The following ADAM15 variants were observed in gnomAD, a reference collection of about 807,000 sequenced individuals.
ADAM15 encodes the protein disintegrin and metalloproteinase domain-containing protein 15.
Under a neutral mutation model 113.8 loss-of-function variants are expected in ADAM15, and 77 were observed. That is an observed-to-expected ratio of 0.68 (90% CI 0.56 to 0.82). ADAM15 has a LOEUF of 0.82. ADAM15 is among the 40% of genes least tolerant of loss of function. ADAM15 has a pLI of 0.00. For missense variants in ADAM15, 963 were observed against 1,120.1 expected, an observed-to-expected ratio of 0.86 and a Z score of 2.00; for synonymous variants, 388 against 454.1, an observed-to-expected ratio of 0.85 and a Z score of 1.85.
chr1:155,053,780 G>T (rs958943783), intron 3 of ADAM15, 130 bp from the exon 4 acceptor site: 2 of 1,050,494 alleles, frequency 1.9e-6, no homozygotes, highest in South Asian at 1.5e-5. Context: ...CTGCCCCGGG[G>T]TCAGGAGTGG....
intron 1 of ADAM15, 143 bp downstream of exon 1, chr1:155,051,608 G>A (rs1377154510): frequency 2.7e-6 from 2 of 737,186 alleles, no homozygotes; most frequent in African/African-American, 3.8e-5. Context: ...GCTGTCCTGG[G>A]CCTAGGGCCC....
rs983500077 is a variant in ADAM15 at position 155,059,986 on chromosome 1, G to A, written c.2068+12G>A. On this transcript the variant is annotated intron_variant, in intron 17 of 22. Coordinates refer to ENST00000356955, the MANE Select transcript of ADAM15 (RefSeq NM_207197.3). ...CACTCAGCTCAAAGGTAGCATGGGG[G>A]TGGGGGACAGGGGCAGCTGGGAGGG... 8 of 1,613,934 alleles carry A rather than the reference G, an allele frequency of 5.0e-6. No homozygotes were observed. Among genetic ancestry groups the A allele is most frequent in the South Asian group, 1.1e-5 (1 of 91,066 alleles).
At chr1:155,053,116 C>T (rs1037931955) in intron 2 of ADAM15, among the ~76,000 whole-genome samples, 3 of 134,320 alleles carry the variant, frequency 2.2e-5, no homozygotes, top group South Asian at 3.1e-4. Flanking sequence ...AACCCCCCCC[C>T]CCCCACCCCA....
chr1:155,061,404 T>A lies in ADAM15; in HGVS notation c.2278-11T>A. The A allele has an allele frequency of 6.2e-7, 1 of 1,612,492 alleles. No individual in the cohort carries two copies. The highest frequency in any genetic ancestry group is 8.5e-7 in the Non-Finnish European group (1 of 1,179,218). ...CCCCTCTGTGCCTATCTGCCCCTCC[T>A]GCCCTCTCAGCAGGCTAGTGCTCTC... On this transcript the variant is annotated splice_polypyrimidine_tract_variant and intron_variant, in intron 19 of 22. Transcript: ENST00000356955.
chr1:155,054,627 G>T, intron 6 of ADAM15, 121 bp downstream of exon 6: 4 of 1,108,298 alleles, frequency 3.6e-6, no homozygotes, highest in Non-Finnish European at 3.7e-6. Context: ...CACATGCTGG[G>T]CACTTTGTGA....
Position 155,062,039 on chromosome 1 carries a change from C to T in ADAM15, c.2424+64C>T. 1 of 1,487,408 alleles carries T rather than the reference C, an allele frequency of 6.7e-7. No individual in the cohort carries two copies. Among genetic ancestry groups the T allele is most frequent in the African/African-American group, 1.4e-5 (1 of 70,890 alleles). The allele number at this position is 1,487,408 out of a possible 1,614,324, so 92.1% of individuals were successfully genotyped here. A position where few individuals can be genotyped will look rare whatever the true frequency, so the allele number is the denominator to read the frequency against. On this transcript the variant is annotated intron_variant, in intron 21 of 22. Coordinates refer to ENST00000356955, the MANE Select transcript of ADAM15 (RefSeq NM_207197.3). This position sits in a 1 kb window ranked among gnomAD's most constrained non-coding sequence, Gnocchi z 7.0. Reference sequence around the variant, plus strand: ...CACCTAGGGCTGTGGTGCTGGTAGCCATGACGGTGGTGGCCGTGGCGAGAT... The same window carrying T: ...CACCTAGGGCTGTGGTGCTGGTAGCTATGACGGTGGTGGCCGTGGCGAGAT...
In ADAM15 at chr1:155,058,744, T is replaced by C. The variant is rs772279710; in HGVS notation, c.1952T>C (p.Leu651Pro). 6.2e-7 allele frequency: 1 copy of C among 1,613,642 alleles called. No individual in the cohort carries two copies. Among genetic ancestry groups the C allele is most frequent in the Non-Finnish European group, 8.5e-7 (1 of 1,179,860 alleles). ...CIDHRCQRVD[L>P]LGAQECRSKC... ...GACCATCGATGCCAGCGTGTGGATC[T>C]CCTGGGGGCACAGGAATGTCGAAGC... Residue 651 changes from leucine (L) to proline (P), a missense_variant, in exon 16 of 23, where the codon CTC becomes CCC. By Grantham distance (98) the Leu-to-Pro change is moderately conservative. Transcript: ENST00000356955. This position sits in a 1 kb window ranked among gnomAD's most constrained non-coding sequence, Gnocchi z 4.3.
chr1:155,059,803 A>G, intron 16 of ADAM15, 99 bp from the exon 17 acceptor site: 15 of 1,349,450 alleles, frequency 1.1e-5, no homozygotes, highest in Non-Finnish European at 1.5e-5. Context: ...CATACCCAGC[A>G]CAACCCCCAG....
chr1:155,059,375 G>A (rs2102416439), intron 16 of ADAM15, among the ~76,000 whole-genome samples: 1 of 152,206 alleles, frequency 6.6e-6, no homozygotes, highest in African/African-American at 2.4e-5. Context: ...CCAAATCACA[G>A]TACTTTGGGA....
chr1:155,061,724 C>A, intron 20 of ADAM15, 180 bp from the exon 21 acceptor site: 1 of 817,696 alleles, frequency 1.2e-6, no homozygotes, highest in Non-Finnish European at 1.9e-6. Context: ...CTGCGGTTGA[C>A]CTACACCTTC....
chr1:155,061,600 G>C, intron 20 of ADAM15, 111 bp downstream of exon 20: 1 of 1,221,568 alleles, frequency 8.2e-7, no homozygotes, highest in Non-Finnish European at 1.2e-6. Context: ...AGGTGATCGG[G>C]GTGCCCCTCA....
chr1:155,055,362 A>G, intron 6 of ADAM15: 2 of 184,974 alleles, frequency 1.1e-5, no homozygotes, highest in South Asian at 1.0e-4. Flanking sequence ...AGTAGCTGGG[A>G]CTACAGGCGC....
chr1:155,053,002 C>T (rs1661282802), intron 2 of ADAM15, among the ~76,000 whole-genome samples: 1 of 152,160 alleles, frequency 6.6e-6, no homozygotes, highest in South Asian at 2.1e-4. Context: ...CCCACCCAAC[C>T]CATCCATCTC....
intron 6 of ADAM15, 41 bp from the exon 7 acceptor site, chr1:155,055,749 G>A (rs771870104): frequency 1.2e-4 from 191 of 1,611,062 alleles, no homozygotes; most frequent in Middle Eastern, 1.6e-4. Context: ...TGCTGGCTGC[G>A]AGCGGCAGGT....
In ADAM15 at chr1:155,056,709, C is replaced by T. The variant is rs1661812779; in HGVS notation, c.999+239C>T. On this transcript the variant is annotated intron_variant, in intron 10 of 22. Coordinates refer to ENST00000356955, the MANE Select transcript of ADAM15 (RefSeq NM_207197.3). This position sits in a 1 kb window ranked among gnomAD's most constrained non-coding sequence, Gnocchi z 4.0. ...TTTCTTAGAGGAGGGTAGGAGGCAG[C>T]TAAGGCCCAAAGAACAGAGGTGATC... Among the ~76,000 whole-genome samples, 1 of 152,164 alleles carries T rather than the reference C, an allele frequency of 6.6e-6. No homozygotes were observed. Among genetic ancestry groups the T allele is most frequent in the Non-Finnish European group, 1.5e-5 (1 of 68,018 alleles).
At chr1:155,054,754 C>T (rs1439814219) in intron 6 of ADAM15, among the ~76,000 whole-genome samples, 2 of 152,112 alleles carry the variant, frequency 1.3e-5, no homozygotes, top group African/African-American at 2.4e-5. Context: ...CCCGTAGTTC[C>T]AGCCACTCAG....
chr1:155,061,482 G>A lies in ADAM15; in HGVS notation c.2345G>A (p.Arg782Lys), dbSNP rs551560759. ...RPLPPDPVSK[R>K]LQAELADRPN... ...CTGCCGCCTGACCCTGTGTCCAAGAGACTCCAGGTAAATCTGGGCCAGGGC... is the reference window on the plus strand; with the variant it reads ...CTGCCGCCTGACCCTGTGTCCAAGAAACTCCAGGTAAATCTGGGCCAGGGC... Residue 782 changes from arginine (R) to lysine (K), a missense_variant, in exon 20 of 23, where the codon AGA (arginine) becomes AAA (lysine). Arg to Lys is a conservative substitution (Grantham distance 26). Transcript: ENST00000356955. 6.2e-7 allele frequency: 1 copy of A among 1,613,440 alleles called. No individual in the cohort carries two copies. Among genetic ancestry groups the A allele is most frequent in the Non-Finnish European group, 8.5e-7 (1 of 1,179,860 alleles).
chr1:155,060,893 T>TG, intron 19 of ADAM15, 61 bp downstream of exon 19: 3 of 1,501,716 alleles, frequency 2.0e-6, no homozygotes, highest in African/African-American at 1.4e-5. Context: ...GCTTGGGCCC[T>TG]GGGGGGTGCG....
chr1:155,057,138 G>A lies in ADAM15; in HGVS notation c.1148+37G>A, dbSNP rs1317163618. 1 of 1,583,862 alleles carries A rather than the reference G, an allele frequency of 6.3e-7. No homozygotes were observed. Among genetic ancestry groups the A allele is most frequent in the South Asian group, 1.1e-5 (1 of 88,012 alleles). On this transcript the variant is annotated intron_variant, in intron 11 of 22. Coordinates refer to ENST00000356955, the MANE Select transcript of ADAM15 (RefSeq NM_207197.3). The surrounding 1 kb of genome is among the most constrained non-coding windows in gnomAD (Gnocchi z 5.0). ...CAGGATGGAGAGAGGGTGTGGGGCA[G>A]GGGGCAGGGAGAGGCCCCCAGCCCC... is the stretch of plus-strand genomic sequence containing the variant.
Sources: gnomAD v4.1 joint callset for allele counts (sites outside exome capture counted in the v4.1 genomes callset) on GRCh38, gnomAD v4.1.1 for gene constraint, Gnocchi (gnomAD v3.1) non-coding constraint, MANE v1.5 for transcripts, NCBI Gene and HGNC (gene_info 2026-07-23, HGNC 2026-07-21) for gene names.